Variants in ADAM18 observed in about 807,000 individuals in gnomAD.
ADAM18 encodes the protein disintegrin and metalloproteinase domain-containing protein 18.
Under a neutral mutation model 94.4 loss-of-function variants are expected in ADAM18, and 117 were observed. The ratio of observed to expected loss-of-function variants is 1.24; its 90% CI spans 1.07 to 1.45. ADAM18 has a LOEUF of 1.45. Ranked by LOEUF, ADAM18 falls within the 40% of genes most tolerant of loss-of-function variation. The pLI, the probability that ADAM18 is intolerant of heterozygous loss-of-function variation, is 0.00. For synonymous variants in ADAM18, 327 were observed against 291.6 expected (o/e 1.12, Z -1.24); for missense variants, 936 against 880.0 (o/e 1.06, Z -0.81).
Position 39,688,317 on chromosome 8 carries a change from T to G in ADAM18, c.1822-4283T>G, listed in dbSNP as rs146201950. ...TGTGTCATGAGGGTTGTTGTAAAGA[T>G]TATTTCATCACCCAGGTATTAAGCC... On this transcript the variant is annotated intron_variant, in intron 16 of 19. Transcript: ENST00000265707. Among the ~76,000 whole-genome samples, 1,335 of 152,246 alleles carry G rather than the reference T, an allele frequency of 8.8e-3. 20 individuals are homozygous for G. Among genetic ancestry groups the G allele is most frequent in the African/African-American group, 0.03 (1,264 of 41,554 alleles).
chr8:39,677,389 A>G (rs1343126184), intron 14 of ADAM18, 42 bp from the exon 15 acceptor site: 2 of 1,455,788 alleles, frequency 1.4e-6, no homozygotes, highest in Non-Finnish European at 1.9e-6. Flanking sequence ...CATTTAACTC[A>G]TATTAAGAAT....
At chr8:39,659,371 T>TA (rs922944164) in intron 12 of ADAM18, among the ~76,000 whole-genome samples, 117 of 147,982 alleles carry the variant, frequency 7.9e-4, no homozygotes, top group Middle Eastern at 3.5e-3. Flanking sequence ...ATGAATAATT[T>TA]AAAAAAAAAA....
intron 12 of ADAM18, among the ~76,000 whole-genome samples, chr8:39,663,575 G>A (rs528556822): frequency 7.3e-6 from 1 of 136,554 alleles, no homozygotes; most frequent in Admixed American, 7.5e-5. Context: ...TTCCAGCCTG[G>A]GTGACAGAGT....
chr8:39,594,829 CT>C (rs1227927521), intron 2 of ADAM18, among the ~76,000 whole-genome samples: 4 of 55,706 alleles, frequency 7.2e-5, no homozygotes, highest in Non-Finnish European at 1.5e-4. Context: ...TAATTGTTTC[CT>C]TTGTAGTCTC....
chr8:39,616,438 G>A (rs1819441167), intron 6 of ADAM18, among the ~76,000 whole-genome samples: 1 of 152,030 alleles, frequency 6.6e-6, no homozygotes, highest in Non-Finnish European at 1.5e-5. Context: ...TAAAATGACA[G>A]TGCATCCCAA....
chr8:39,615,092 T>C (rs985370426), intron 6 of ADAM18, among the ~76,000 whole-genome samples: 2 of 152,086 alleles, frequency 1.3e-5, no homozygotes, highest in African/African-American at 4.8e-5. Context: ...AAACTCAGCA[T>C]TTGACCAAAT....
At chr8:39,585,236 G>C (rs1563262660) in intron 1 of ADAM18, 40 bp from the exon 2 acceptor site, 1 of 1,541,720 alleles carries the variant, frequency 6.5e-7, no homozygotes, top group African/African-American at 1.4e-5. Flanking sequence ...GATTGTTGAT[G>C]CAAAACAAAG....
At chr8:39,609,711 AT>A (rs935025295) in intron 5 of ADAM18, 150 bp downstream of exon 5, 41 of 532,478 alleles carry the variant, frequency 7.7e-5, no homozygotes, top group African/African-American at 7.5e-4. Flanking sequence ...ATTTGTATTA[AT>A]GTTAATACTT....
chr8:39,709,909 A>G (rs1028339532), intron 18 of ADAM18, among the ~76,000 whole-genome samples: 4 of 152,262 alleles, frequency 2.6e-5, no homozygotes, highest in Admixed American at 2.6e-4. Context: ...AAAATATCAG[A>G]GAATGAACAG....
At chr8:39,600,821 T>C (rs1252471617) in intron 2 of ADAM18, among the ~76,000 whole-genome samples, 1 of 152,228 alleles carries the variant, frequency 6.6e-6, no homozygotes, top group African/African-American at 2.4e-5. Flanking sequence ...GTTTTGAATG[T>C]GTCTGAAGGC....
At chr8:39,657,963 A>C (rs537320800) in intron 12 of ADAM18, among the ~76,000 whole-genome samples, 3 of 152,286 alleles carry the variant, frequency 2.0e-5, no homozygotes, top group Admixed American at 6.5e-5. Context: ...TTTCCTATTA[A>C]ATGAGAATTA....
At chr8:39,611,555 TA>T (rs1360307332) in intron 6 of ADAM18, 1 of 985,280 alleles carries the variant, frequency 1.0e-6, no homozygotes, top group East Asian at 1.1e-4. Flanking sequence ...CTGGGATAAA[TA>T]AAAAAAGCAT....
chr8:39,722,213 GTGTGTA>G (rs1426665721), intron 18 of ADAM18, among the ~76,000 whole-genome samples: 1 of 73,432 alleles, frequency 1.4e-5, no homozygotes, highest in African/African-American at 7.3e-5. Flanking sequence ...GTGTGTGTGT[GTGTGTA>G]TATATATATA....
At chr8:39,621,736 C>G (rs988123827) in intron 6 of ADAM18, among the ~76,000 whole-genome samples, 1 of 152,092 alleles carries the variant, frequency 6.6e-6, no homozygotes, top group Non-Finnish European at 1.5e-5. Context: ...CCATGGAATA[C>G]TATGCAGCCA....
At chr8:39,625,565 A>G (rs1473652539) in intron 6 of ADAM18, among the ~76,000 whole-genome samples, 1 of 152,096 alleles carries the variant, frequency 6.6e-6, no homozygotes, top group Admixed American at 6.5e-5. Flanking sequence ...TAGGACTTCC[A>G]GCACTATGTT....
At chr8:39,716,295 T>A (rs370230083) in intron 18 of ADAM18, among the ~76,000 whole-genome samples, 19 of 152,140 alleles carry the variant, frequency 1.2e-4, no homozygotes, top group African/African-American at 4.6e-4. Context: ...GGTTGTTTAT[T>A]TGAAATCTTT....
At chr8:39,708,608 C>T (rs1396875360) in intron 18 of ADAM18, among the ~76,000 whole-genome samples, 2 of 152,156 alleles carry the variant, frequency 1.3e-5, no homozygotes, top group Non-Finnish European at 2.9e-5. Flanking sequence ...AGGATAGTTC[C>T]CTGACCCCTT....
intron 17 of ADAM18, among the ~76,000 whole-genome samples, chr8:39,705,340 A>G (rs1327251675): frequency 1.3e-5 from 2 of 152,094 alleles, no homozygotes; most frequent in Non-Finnish European, 2.9e-5. Context: ...TGTTTCTTTT[A>G]AAGTTAGCAA....
intron 16 of ADAM18, among the ~76,000 whole-genome samples, chr8:39,687,599 T>A (rs550048899): frequency 4.3e-4 from 66 of 152,242 alleles, no homozygotes; most frequent in Admixed American, 1.4e-3. Context: ...ATAAGTAGCC[T>A]CCCAACCCAG....
Sources: gnomAD v4.1 joint callset for allele counts (sites outside exome capture counted in the v4.1 genomes callset) on GRCh38, gnomAD v4.1.1 for gene constraint, MANE v1.5 for transcripts, NCBI Gene and HGNC (gene_info 2026-07-23, HGNC 2026-07-21) for gene names.